The following NCAM1 variants were observed in gnomAD, a reference collection of about 807,000 sequenced individuals.
NCAM1 encodes neural cell adhesion molecule 1.
In NCAM1, 14 loss-of-function variants were observed where a neutral mutation model predicts 109.8. The ratio of observed to expected loss-of-function variants is 0.13; its 90% CI spans 0.08 to 0.20. The LOEUF is 0.20. Among genes scored for constraint, NCAM1 ranks in the 10% least tolerant of loss-of-function variants. The probability of loss-of-function intolerance (pLI) is 1.00; values close to 1 mark genes in which losing one functional copy is unlikely to be tolerated. For synonymous variants in NCAM1, 418 were observed against 442.9 expected (o/e 0.94, Z 0.70); for missense variants, 774 against 1,109.9 (o/e 0.70, Z 4.30).
At chr11:113,201,889 C>T (rs915876841) in intron 1 of NCAM1, among the ~76,000 whole-genome samples, 4 of 152,198 alleles carry the variant, frequency 2.6e-5, no homozygotes, top group African/African-American at 4.8e-5. Flanking sequence ...GTCCGGACAG[C>T]CTGGGGAACT....
intron 9 of NCAM1, chr11:113,231,252 A>T: frequency 6.5e-6 from 10 of 1,536,142 alleles, no homozygotes; most frequent in Non-Finnish European, 7.8e-6. Context: ...CTGGCAGTGC[A>T]GGTTTCCCAG....
intron 1 of NCAM1, among the ~76,000 whole-genome samples, chr11:112,997,066 G>T (rs1479393240): frequency 6.6e-6 from 1 of 152,108 alleles, no homozygotes; most frequent in Non-Finnish European, 1.5e-5. Context: ...GGGAAGCTTG[G>T]GTAGGATAGA....
intron 1 of NCAM1, among the ~76,000 whole-genome samples, chr11:113,122,125 A>G (rs2853194): frequency 0.77 from 117,380 of 152,116 alleles, 45,474 homozygotes; most frequent in Middle Eastern, 0.89. Flanking sequence ...TGGTGTCATC[A>G]GCTTGCCTTC....
intron 1 of NCAM1, among the ~76,000 whole-genome samples, chr11:113,160,351 A>G (rs1405927699): frequency 2.0e-5 from 3 of 152,156 alleles, no homozygotes; most frequent in Non-Finnish European, 4.4e-5. Flanking sequence ...CAGGTTACCA[A>G]CTGCCCCAGT....
At chr11:113,194,076 TC>T (rs1451704026) in intron 1 of NCAM1, among the ~76,000 whole-genome samples, 3 of 152,184 alleles carry the variant, frequency 2.0e-5, no homozygotes, top group Non-Finnish European at 2.9e-5. Context: ...ACAGAGCCAG[TC>T]CCCAATTATG....
chr11:112,962,547 C>A lies in NCAM1; in HGVS notation c.52+883C>A, dbSNP rs1410889260. 6.6e-6 allele frequency among the ~76,000 whole-genome samples: 1 copy of A among 152,012 alleles called. No individual in the cohort carries two copies. The highest frequency in any genetic ancestry group is 2.4e-5 in the African/African-American group (1 of 41,390). ...CCGCCCGAAACACCTCGCCCTGTCT[C>A]CTTTCTTTGGGCGAGGTTCCCGATC... On this transcript the variant is annotated intron_variant, in intron 1 of 19. Transcript: ENST00000316851. The surrounding 1 kb of genome is among the most constrained non-coding windows in gnomAD (Gnocchi z 5.6).
intron 1 of NCAM1, among the ~76,000 whole-genome samples, chr11:113,148,971 G>A (rs1942123032): frequency 6.6e-6 from 1 of 152,330 alleles, no homozygotes; most frequent in East Asian, 1.9e-4. Flanking sequence ...TGGGCTGAGA[G>A]CTCCAGCATC....
At chr11:113,222,987 G>A (rs595278) in intron 9 of NCAM1, among the ~76,000 whole-genome samples, 92,105 of 152,056 alleles carry the variant, frequency 0.61, 29,755 homozygotes, top group African/African-American at 0.84. Flanking sequence ...GTTATGGCCA[G>A]TTTCATTTTG....
At chr11:112,998,479 A>G (rs1951658333) in intron 1 of NCAM1, among the ~76,000 whole-genome samples, 2 of 152,128 alleles carry the variant, frequency 1.3e-5, no homozygotes, top group South Asian at 4.1e-4. Flanking sequence ...ATTATGGTGT[A>G]TCCTAGTTAG....
chr11:113,141,510 G>A (rs541020042), intron 1 of NCAM1, among the ~76,000 whole-genome samples: 26 of 152,250 alleles, frequency 1.7e-4, no homozygotes, highest in Admixed American at 5.9e-4. Context: ...ATAGCTGGGC[G>A]CGGTGGTGTG....
At chr11:113,167,543 T>TA (rs113240328) in intron 1 of NCAM1, among the ~76,000 whole-genome samples, 76,545 of 143,740 alleles carry the variant, frequency 0.53, 22,229 homozygotes, top group South Asian at 0.7. Flanking sequence ...TTTTTTTAAT[T>TA]AAAAAAAAAA....
In NCAM1 at chr11:113,260,275, G is replaced by A. The variant is rs782576018; in HGVS notation, c.2083G>A (p.Ala695Thr). 6.2e-7 allele frequency: 1 copy of A among 1,613,962 alleles called. No individual in the cohort carries two copies. The highest frequency in any genetic ancestry group is 1.1e-5 in the South Asian group (1 of 91,086). Residue 695 changes from alanine to threonine, a missense_variant, in exon 17 of 20, where the codon GCG becomes ACG. Transcript: ENST00000316851. ...TGAGAACCAGCAAGGAAAATCCAAG[G>A]CGGCTCATTTTGTGTTCAGGACCTC... ...VAENQQGKSK[A>T]AHFVFRTSAQ...
At chr11:113,262,714 C>G (rs562727583) in intron 17 of NCAM1, 2 of 984,618 alleles carry the variant, frequency 2.0e-6, no homozygotes, top group South Asian at 2.0e-5. Flanking sequence ...CTTCCCTTTC[C>G]TTCTGTCCCC....
chr11:113,197,385 G>T (rs1322129509), intron 1 of NCAM1, among the ~76,000 whole-genome samples: 1 of 152,156 alleles, frequency 6.6e-6, no homozygotes, highest in Non-Finnish European at 1.5e-5. Context: ...CATTACAGTG[G>T]TTATGTTTAG....
chr11:112,989,337 G>C (rs1230457354), intron 1 of NCAM1, among the ~76,000 whole-genome samples: 1 of 151,818 alleles, frequency 6.6e-6, no homozygotes, highest in Non-Finnish European at 1.5e-5. Flanking sequence ...GCTAATTTCA[G>C]ATGACCTATC....
chr11:113,049,762 T>C lies in NCAM1; in HGVS notation c.52+88098T>C, dbSNP rs570254925. 1.1e-4 allele frequency among the ~76,000 whole-genome samples: 16 copies of C among 152,324 alleles called. No individual in the cohort carries two copies. In the East Asian group the frequency reaches 3.1e-3, roughly 29 times the overall value. On this transcript the variant is annotated intron_variant, in intron 1 of 19. Transcript: ENST00000316851. ...CCTTGTGCCAATGTTCTCCTTTCTC[T>C]ACACTCCCCTGAGCTAGAACAGTTA...
intron 1 of NCAM1, among the ~76,000 whole-genome samples, chr11:112,965,951 G>A (rs571805913): frequency 6.6e-6 from 1 of 152,120 alleles, no homozygotes. Flanking sequence ...GTCAGTCTGC[G>A]GGAAGAATCA....
chr11:113,042,185 G>A (rs1953102879), intron 1 of NCAM1, among the ~76,000 whole-genome samples: 1 of 152,134 alleles, frequency 6.6e-6, no homozygotes, highest in African/African-American at 2.4e-5. Context: ...GTGCCTGAGA[G>A]GGACAGAGAA....
intron 1 of NCAM1, among the ~76,000 whole-genome samples, chr11:113,030,988 G>A (rs549704549): frequency 2.0e-4 from 30 of 152,154 alleles, no homozygotes; most frequent in Middle Eastern, 3.4e-3. Context: ...TAGTCAATGC[G>A]TGTTATTTTT....
Sources: gnomAD v4.1 joint callset for allele counts (sites outside exome capture counted in the v4.1 genomes callset) on GRCh38, gnomAD v4.1.1 for gene constraint, Gnocchi (gnomAD v3.1) non-coding constraint, MANE v1.5 for transcripts, NCBI Gene and HGNC (gene_info 2026-07-23, HGNC 2026-07-21) for gene names.